Variants in CFAP74 observed in about 807,000 individuals in gnomAD.
The protein encoded by CFAP74 is cilia- and flagella-associated protein 74.
Under a neutral mutation model 188.9 loss-of-function variants are expected in CFAP74, and 124 were observed. That is an observed-to-expected ratio of 0.66 (90% CI 0.57 to 0.76). The LOEUF is 0.76. Among genes scored for constraint, CFAP74 ranks in the 30% least tolerant of loss-of-function variants. The pLI is 0.00. For missense variants in CFAP74, 2,198 were observed against 2,165.2 expected, an observed-to-expected ratio of 1.02 and a Z score of -0.30; for synonymous variants, 956 against 916.7, an observed-to-expected ratio of 1.04 and a Z score of -0.77.
chr1:1,947,947 A>T (rs1167181445), intron 18 of CFAP74, among the ~76,000 whole-genome samples: 1 of 151,842 alleles, frequency 6.6e-6, no homozygotes, highest in African/African-American at 2.4e-5. Context: ...ATCTTGACTC[A>T]CTGCAACTTC....
In CFAP74 at chr1:1,973,058, A is replaced by G; in HGVS notation, c.675-11T>C. On this transcript the variant is annotated splice_polypyrimidine_tract_variant and intron_variant, in intron 7 of 38. Transcript: ENST00000682832. This position sits in a 1 kb window ranked among gnomAD's most constrained non-coding sequence, Gnocchi z 6.2. The stretch of plus-strand genomic sequence containing the variant: ...GTGTTCAGGGACTTCCTGTGGGGAT[A>G]TGGGGCCGTCAGAGGGAAACTCGGC... 1 of 1,600,434 alleles carries G rather than the reference A, an allele frequency of 6.2e-7. No homozygotes were observed. Among genetic ancestry groups the G allele is most frequent in the Non-Finnish European group, 8.6e-7 (1 of 1,168,732 alleles).
chr1:2,000,488 G>T (rs1273477263), intron 1 of CFAP74, among the ~76,000 whole-genome samples: 1 of 152,162 alleles, frequency 6.6e-6, no homozygotes, highest in Non-Finnish European at 1.5e-5. Context: ...GCTTCCCGGG[G>T]TCGCCATAAC....
At chr1:1,930,436 G>A (rs960814598) in intron 25 of CFAP74, 100 bp from the exon 26 acceptor site, 8 of 1,224,256 alleles carry the variant, frequency 6.5e-6, no homozygotes, top group Non-Finnish European at 7.7e-6. Context: ...CCCCGGGGGG[G>A]GCTCACAGGG....
chr1:1,953,567 G>C (rs1412386589), intron 18 of CFAP74: 1 of 153,612 alleles, frequency 6.5e-6, no homozygotes, highest in East Asian at 1.9e-4. Context: ...AAAGTTCTGG[G>C]ATTACAGGCA....
chr1:1,968,580 C>G lies in CFAP74; in HGVS notation c.1245+55G>C. ...CTCACCACACCTGAGCCCTGAGGCC[C>G]CACCTGCCCTCCACAGGTGTGCGGC... is the stretch of plus-strand genomic sequence containing the variant. On this transcript the variant is annotated intron_variant, in intron 11 of 38. Coordinates refer to ENST00000682832, the MANE Select transcript of CFAP74 (RefSeq NM_001304360.2). This position sits in a 1 kb window ranked among gnomAD's most constrained non-coding sequence, Gnocchi z 4.3. 6.8e-7 allele frequency: 1 copy of G among 1,480,518 alleles called. No individual in the cohort carries two copies. The highest frequency in any genetic ancestry group is 9.3e-7 in the Non-Finnish European group (1 of 1,072,804). The allele number at this position is 1,480,518 out of a possible 1,614,324, so 91.7% of individuals were successfully genotyped here.
At chr1:1,924,590 C>T (rs538224353) in intron 33 of CFAP74, 70 bp from the exon 34 acceptor site, 6 of 1,525,708 alleles carry the variant, frequency 3.9e-6, no homozygotes, top group South Asian at 3.7e-5. Context: ...TCGTCGGTGC[C>T]CAGGACTTGG....
chr1:1,940,556 C>T (rs1653297771), intron 22 of CFAP74, among the ~76,000 whole-genome samples, 153 bp from the exon 23 acceptor site: 1 of 152,244 alleles, frequency 6.6e-6, no homozygotes, highest in Non-Finnish European at 1.5e-5. Context: ...CCCTCCTGCT[C>T]TCGCACAGAA....
chr1:1,969,670 A>C (rs1478616119), intron 10 of CFAP74, among the ~76,000 whole-genome samples: 2 of 152,218 alleles, frequency 1.3e-5, no homozygotes, highest in Non-Finnish European at 2.9e-5. Context: ...CGCCAGGCTA[A>C]GGGATGTATA....
At chr1:1,971,709 G>A (rs1009440254) in intron 9 of CFAP74, among the ~76,000 whole-genome samples, 4 of 152,264 alleles carry the variant, frequency 2.6e-5, no homozygotes, top group African/African-American at 9.6e-5. Context: ...TGTGTCTCAT[G>A]AGGACGCCAC....
intron 1 of CFAP74, among the ~76,000 whole-genome samples, chr1:1,992,001 C>T (rs914924746): frequency 7.3e-5 from 11 of 151,104 alleles, no homozygotes; most frequent in African/African-American, 2.7e-4. Context: ...GATCGCGCCA[C>T]TGCACTCCAG....
At chr1:1,982,203 C>T in intron 6 of CFAP74, among the ~76,000 whole-genome samples, 1 of 147,714 alleles carries the variant, frequency 6.8e-6, no homozygotes, top group South Asian at 2.2e-4. Context: ...CGCAGGACAC[C>T]CAGCCGTGGT....
intron 10 of CFAP74, among the ~76,000 whole-genome samples, chr1:1,969,945 A>G (rs1288698967): frequency 6.6e-6 from 1 of 152,248 alleles, no homozygotes; most frequent in Non-Finnish European, 1.5e-5. Context: ...GGCAAAACCC[A>G]GGACAGGGTG....
intron 21 of CFAP74, among the ~76,000 whole-genome samples, chr1:1,943,290 G>A (rs527728610): frequency 2.0e-5 from 3 of 152,324 alleles, no homozygotes; most frequent in African/African-American, 7.2e-5. Context: ...TGCCGGAGGC[G>A]AGCAGACTCC....
intron 4 of CFAP74, chr1:1,987,932 G>A: frequency 2.9e-6 from 1 of 346,270 alleles, no homozygotes; most frequent in South Asian, 2.2e-5. Context: ...AGGTGCCCGA[G>A]TTATGGGCAA....
intron 25 of CFAP74, among the ~76,000 whole-genome samples, chr1:1,932,016 A>T (rs1271279599): frequency 7.1e-6 from 1 of 140,062 alleles, no homozygotes; most frequent in Non-Finnish European, 1.5e-5. Flanking sequence ...CGGTGAGCTG[A>T]GATCGCCCCA....
intron 6 of CFAP74, chr1:1,985,107 G>A (rs1001494839): frequency 8.1e-6 from 3 of 370,994 alleles, no homozygotes; most frequent in South Asian, 5.2e-5. Flanking sequence ...AACCCAGCTC[G>A]CTGTTCTGTG....
At chr1:1,998,146 C>T (rs750303430) in intron 1 of CFAP74, among the ~76,000 whole-genome samples, 27 of 152,046 alleles carry the variant, frequency 1.8e-4, no homozygotes, top group East Asian at 7.7e-4. Flanking sequence ...AGTGTGGTGG[C>T]GGGCACCTGT....
chr1:1,960,231 G>A (rs555246607), intron 14 of CFAP74: 25 of 577,044 alleles, frequency 4.3e-5, no homozygotes, highest in South Asian at 4.0e-4. Flanking sequence ...GGCAGGGGGC[G>A]CTCCAGTGTG....
At chr1:1,955,892 C>T (rs750707653) in intron 17 of CFAP74, 42 bp from the exon 18 acceptor site, 2 of 1,575,130 alleles carry the variant, frequency 1.3e-6, no homozygotes, top group East Asian at 2.2e-5. Context: ...AGGTTTCCCA[C>T]CTCCTTTTCC....
Sources: gnomAD v4.1 joint callset for allele counts (sites outside exome capture counted in the v4.1 genomes callset) on GRCh38, gnomAD v4.1.1 for gene constraint, Gnocchi (gnomAD v3.1) non-coding constraint, MANE v1.5 for transcripts, NCBI Gene and HGNC (gene_info 2026-07-23, HGNC 2026-07-21) for gene names.